Variants in NOVA1 observed in about 807,000 individuals in gnomAD.
NOVA1 encodes the protein RNA-binding protein Nova-1.
A neutral mutation model predicts 38.0 loss-of-function variants in NOVA1; 7 were observed. That is an observed-to-expected ratio of 0.18 (90% CI 0.10 to 0.35). The LOEUF is 0.35. NOVA1 is among the 10% of genes least tolerant of loss of function. NOVA1 has a pLI of 1.00. For synonymous variants in NOVA1, 270 were observed against 232.5 expected (o/e 1.16, Z -1.47); for missense variants, 460 against 616.0 (o/e 0.75, Z 2.68).
intron 4 of NOVA1, among the ~76,000 whole-genome samples, chr14:26,453,488 T>A (rs1882904430): frequency 6.6e-6 from 1 of 152,160 alleles, no homozygotes; most frequent in Non-Finnish European, 1.5e-5. Context: ...CTAATTATGC[T>A]AGCATCAACT....
chr14:26,509,118 T>A (rs937106089), intron 2 of NOVA1, among the ~76,000 whole-genome samples: 26 of 152,272 alleles, frequency 1.7e-4, no homozygotes, highest in African/African-American at 6.3e-4. Context: ...ATACAGAATA[T>A]CGCCTTATAT....
At position 26,597,351 on chromosome 14, in the gene NOVA1, G is replaced by T; in HGVS notation, c.86C>A (p.Pro29Gln). 1.6e-6 allele frequency: 2 copies of T among 1,269,932 alleles called. No homozygotes were observed. Among genetic ancestry groups the T allele is most frequent in the Non-Finnish European group, 2.0e-6 (2 of 999,880 alleles). 78.7% of individuals were successfully genotyped at this position (1,269,932 alleles called of 1,614,324 possible). Residue 29 changes from proline (P) to glutamine (Q), a missense_variant, in exon 1 of 5, where the codon CCG becomes CAG. Transcript: ENST00000539517. Reference protein sequence around the residue: ...DLDPPDSRKRPLEAPPEAGST... With the variant: ...DLDPPDSRKRQLEAPPEAGST... ...GCCGGCTTCAGGGGGGGCTTCCAGC[G>T]GCCTTTTCCGCGAGTCCGGCGGGTC...
Position 26,597,572 on chromosome 14 carries a change from A to C in NOVA1, c.-136T>G. On this transcript the variant is annotated 5_prime_UTR_variant, in exon 1 of 5. Transcript: ENST00000539517. ...AGGTTTTTTTTTTTTAATCGGATCA[A>C]TATAAATCTCTTTAGGAAAAAAAGC... The C allele has an allele frequency of 8.3e-7, 1 of 1,204,830 alleles. No homozygotes were observed. Among genetic ancestry groups the C allele is most frequent in the Non-Finnish European group, 1.0e-6 (1 of 979,700 alleles). The allele number at this position is 1,204,830 out of a possible 1,614,324, so 74.6% of individuals were successfully genotyped here.
chr14:26,545,687 G>T (rs1268333169), intron 2 of NOVA1, among the ~76,000 whole-genome samples: 1 of 152,080 alleles, frequency 6.6e-6, no homozygotes, highest in African/African-American at 2.4e-5. Context: ...TGAGGTAGGT[G>T]AAATGATTCC....
At chr14:26,561,162 T>TTTTA (rs1306263517) in intron 2 of NOVA1, among the ~76,000 whole-genome samples, 1 of 152,142 alleles carries the variant, frequency 6.6e-6, no homozygotes, top group Non-Finnish European at 1.5e-5. Context: ...CAGGTGGTAA[T>TTTTA]GCTAGCTGGC....
At chr14:26,555,057 C>G (rs2138659330) in intron 2 of NOVA1, among the ~76,000 whole-genome samples, 1 of 152,016 alleles carries the variant, frequency 6.6e-6, no homozygotes, top group East Asian at 1.9e-4. Flanking sequence ...ATCAAAAAGG[C>G]TCTACAGAAG....
intron 2 of NOVA1, among the ~76,000 whole-genome samples, chr14:26,500,590 A>G (rs1887180854): frequency 1.3e-5 from 2 of 152,058 alleles, no homozygotes; most frequent in African/African-American, 2.4e-5. Context: ...TTCAAGGGGA[A>G]TATGAAAAGA....
intron 2 of NOVA1, among the ~76,000 whole-genome samples, chr14:26,544,603 A>T (rs1392544003): frequency 6.6e-6 from 1 of 152,094 alleles, no homozygotes. Flanking sequence ...GGAGAATTTA[A>T]AACTTTAATT....
intron 2 of NOVA1, among the ~76,000 whole-genome samples, chr14:26,505,403 C>T (rs2138426177): frequency 6.6e-6 from 1 of 152,076 alleles, no homozygotes; most frequent in African/African-American, 2.4e-5. Flanking sequence ...TGGCTCTTCC[C>T]ACTTCTCTCT....
chr14:26,564,558 G>A (rs1594543503), intron 2 of NOVA1, among the ~76,000 whole-genome samples: 1 of 152,192 alleles, frequency 6.6e-6, no homozygotes, highest in East Asian at 1.9e-4. Context: ...TACTGTTAAA[G>A]GTTTTACATA....
chr14:26,532,333 T>A (rs1263656222), intron 2 of NOVA1, among the ~76,000 whole-genome samples: 1 of 152,120 alleles, frequency 6.6e-6, no homozygotes, highest in Admixed American at 6.5e-5. Flanking sequence ...ACCTAGACAA[T>A]GACTACTCCT....
At chr14:26,547,292 T>C (rs1188932625) in intron 2 of NOVA1, among the ~76,000 whole-genome samples, 2 of 152,102 alleles carry the variant, frequency 1.3e-5, no homozygotes, top group Non-Finnish European at 2.9e-5. Context: ...ATCTGTTTTA[T>C]GAAATGGTGA....
At chr14:26,546,682 CA>C (rs1426038585) in intron 2 of NOVA1, among the ~76,000 whole-genome samples, 1 of 152,140 alleles carries the variant, frequency 6.6e-6, no homozygotes, top group Non-Finnish European at 1.5e-5. Context: ...GACATTATCA[CA>C]AGAGGTCTAA....
At chr14:26,499,522 A>G (rs1004121374) in intron 2 of NOVA1, among the ~76,000 whole-genome samples, 3 of 152,254 alleles carry the variant, frequency 2.0e-5, no homozygotes, top group Non-Finnish European at 4.4e-5. Context: ...TTCAAGGAAA[A>G]CAGGAAAGTG....
At chr14:26,524,118 G>A (rs1889127823) in intron 2 of NOVA1, among the ~76,000 whole-genome samples, 1 of 152,030 alleles carries the variant, frequency 6.6e-6, no homozygotes, top group African/African-American at 2.4e-5. Flanking sequence ...GTAAGATTTG[G>A]CTTACTGAAC....
At chr14:26,595,645 G>T in intron 1 of NOVA1, 92 bp from the exon 2 acceptor site, 1 of 1,067,854 alleles carries the variant, frequency 9.4e-7, no homozygotes. Flanking sequence ...AGCAACTAAA[G>T]CACTGGGTAT....
At chr14:26,480,202 GA>G in intron 2 of NOVA1, 59 bp from the exon 3 acceptor site, 7 of 1,465,992 alleles carry the variant, frequency 4.8e-6, no homozygotes, top group Non-Finnish European at 6.5e-6. Flanking sequence ...AAAAAATTAT[GA>G]AAAAGGATGA....
intron 2 of NOVA1, among the ~76,000 whole-genome samples, chr14:26,561,006 T>C (rs1026176742): frequency 3.9e-5 from 6 of 152,280 alleles, no homozygotes; most frequent in Admixed American, 3.3e-4. Flanking sequence ...GGTTTTGGGA[T>C]GAAACTGTTC....
chr14:26,576,211 T>C (rs1436883376), intron 2 of NOVA1, among the ~76,000 whole-genome samples: 1 of 151,986 alleles, frequency 6.6e-6, no homozygotes, highest in Non-Finnish European at 1.5e-5. Flanking sequence ...TAACTGTGTC[T>C]TCTAAGAATG....
Sources: allele counts gnomAD v4.1 joint callset (sites outside exome capture counted in the v4.1 genomes callset), GRCh38; gene constraint gnomAD v4.1.1; transcripts MANE v1.5; gene names NCBI Gene and HGNC (gene_info 2026-07-23, HGNC 2026-07-21).